MYO10: variants seen among roughly 807,000 people sequenced by gnomAD.
The protein encoded by MYO10 is unconventional myosin-X.
Under a neutral mutation model 257.3 loss-of-function variants are expected in MYO10, and 133 were observed. That is an observed-to-expected ratio of 0.52 (90% CI 0.45 to 0.60). MYO10 has a LOEUF of 0.60. MYO10 is among the 20% of genes least tolerant of loss of function. MYO10 has a pLI of 0.00. For missense variants in MYO10, 2,399 were observed against 2,635.7 expected, an observed-to-expected ratio of 0.91 and a Z score of 1.97; for synonymous variants, 1,104 against 1,028.6, an observed-to-expected ratio of 1.07 and a Z score of -1.40.
chr5:16,857,715 T>C (rs1317990669), intron 2 of MYO10, among the ~76,000 whole-genome samples: 1 of 152,230 alleles, frequency 6.6e-6, no homozygotes, highest in African/African-American at 2.4e-5. Flanking sequence ...CGGGCTACTT[T>C]AACCTCTTGA....
chr5:16,843,004 C>A (rs1365729572), intron 2 of MYO10, among the ~76,000 whole-genome samples: 1 of 151,816 alleles, frequency 6.6e-6, no homozygotes. Context: ...CACCCGTTGG[C>A]TCAATCATGA....
In MYO10 at chr5:16,701,755, T is replaced by TTTC; in HGVS notation, c.2637_2639dup (p.Lys880dup). ...CTTCCACCTGCTTATTTTCCTTCTGTTTCTCCAGTTCACGGGTCAGTTCAG... is the reference window on the plus strand; with the variant it reads ...CTTCCACCTGCTTATTTTCCTTCTGTTTCTTCTCCAGTTCACGGGTCAGTTCAG... On this transcript the variant is annotated inframe_insertion, in exon 25 of 41. Coordinates refer to ENST00000513610, the MANE Select transcript of MYO10 (RefSeq NM_012334.3). The surrounding 1 kb of genome is among the most constrained non-coding windows in gnomAD (Gnocchi z 8.1). 4 of 1,614,018 alleles carry TTTC rather than the reference T, an allele frequency of 2.5e-6. No individual in the cohort carries two copies. Among genetic ancestry groups the TTTC allele is most frequent in the Non-Finnish European group, 2.5e-6 (3 of 1,179,896 alleles).
intron 2 of MYO10, among the ~76,000 whole-genome samples, chr5:16,839,323 T>C (rs1743401523): frequency 6.6e-6 from 1 of 152,118 alleles, no homozygotes; most frequent in African/African-American, 2.4e-5. Context: ...AACCCTCATG[T>C]ATGACATTGA....
At chr5:16,747,787 C>T (rs1009378826) in intron 19 of MYO10, among the ~76,000 whole-genome samples, 1 of 151,552 alleles carries the variant, frequency 6.6e-6, no homozygotes, top group African/African-American at 2.4e-5. Context: ...TGCGGGGTGG[C>T]AGGTGCCTGT....
At chr5:16,799,888 CA>C (rs1239246661) in intron 3 of MYO10, among the ~76,000 whole-genome samples, 1 of 152,176 alleles carries the variant, frequency 6.6e-6, no homozygotes, top group African/African-American at 2.4e-5. Context: ...ACGCAGCTCA[CA>C]AAAGGCATCG....
chr5:16,858,565 C>A (rs1744028407), intron 2 of MYO10, among the ~76,000 whole-genome samples: 1 of 152,012 alleles, frequency 6.6e-6, no homozygotes, highest in Non-Finnish European at 1.5e-5. Context: ...CCGAGGTAAC[C>A]ATTTAGTCTG....
intron 9 of MYO10, among the ~76,000 whole-genome samples, chr5:16,774,601 T>G (rs906373715): frequency 2.0e-5 from 3 of 151,976 alleles, no homozygotes; most frequent in Admixed American, 2.0e-4. Context: ...TTGTGTATTT[T>G]TAGTAGAGAC....
intron 39 of MYO10, 32 bp from the exon 40 acceptor site, chr5:16,668,500 T>A (rs1471523634): frequency 6.5e-7 from 1 of 1,547,706 alleles, no homozygotes; most frequent in African/African-American, 1.4e-5. Flanking sequence ...AAGAGTTAAG[T>A]CATGAAGTGG....
At chr5:16,671,368 A>G in intron 38 of MYO10, 54 bp downstream of exon 38, 1 of 1,598,846 alleles carries the variant, frequency 6.3e-7, no homozygotes, top group South Asian at 1.1e-5. Context: ...AAGTATTAAC[A>G]GGTTTCACCC....
intron 3 of MYO10, among the ~76,000 whole-genome samples, chr5:16,812,661 C>T (rs990674509): frequency 6.6e-5 from 10 of 152,100 alleles, no homozygotes; most frequent in African/African-American, 1.9e-4. Flanking sequence ...GAGCCAAGTT[C>T]GAGGCAGGAA....
At chr5:16,797,872 G>A (rs927410239) in intron 3 of MYO10, among the ~76,000 whole-genome samples, 3 of 152,210 alleles carry the variant, frequency 2.0e-5, no homozygotes, top group Non-Finnish European at 4.4e-5. Flanking sequence ...TGGTTTGAAT[G>A]TTTGTCCCCT....
chr5:16,765,209 G>A (rs1740828686), intron 11 of MYO10, among the ~76,000 whole-genome samples: 2 of 152,178 alleles, frequency 1.3e-5, no homozygotes, highest in Non-Finnish European at 2.9e-5. Flanking sequence ...TGACATCTGA[G>A]TCAGTGGGCT....
At chr5:16,680,446 G>A (rs1274874253) in intron 32 of MYO10, among the ~76,000 whole-genome samples, 3 of 152,078 alleles carry the variant, frequency 2.0e-5, no homozygotes, top group African/African-American at 7.2e-5. Context: ...AACTCTCTCT[G>A]ATTTCTGACT....
chr5:16,721,703 C>T (rs1302292099), intron 19 of MYO10, among the ~76,000 whole-genome samples: 1 of 152,174 alleles, frequency 6.6e-6, no homozygotes, highest in Non-Finnish European at 1.5e-5. Flanking sequence ...AGACTAAGTA[C>T]AGCTGTCACC....
chr5:16,749,015 T>C (rs1173520537), intron 19 of MYO10, among the ~76,000 whole-genome samples: 1 of 152,060 alleles, frequency 6.6e-6, no homozygotes, highest in East Asian at 1.9e-4. Context: ...GGCTCCAAGA[T>C]CGACAGCCCA....
chr5:16,935,737 C>T, intron 1 of MYO10, 51 bp downstream of exon 1: 1 of 1,609,874 alleles, frequency 6.2e-7, no homozygotes, highest in Non-Finnish European at 8.5e-7. Flanking sequence ...GGTGGGCAGA[C>T]GCCTCTCTCC....
intron 9 of MYO10, among the ~76,000 whole-genome samples, chr5:16,774,434 T>C (rs529328221): frequency 2.0e-5 from 3 of 152,304 alleles, no homozygotes; most frequent in Admixed American, 2.0e-4. Flanking sequence ...TTTAATTTAT[T>C]TTTTTGAGAC....
chr5:16,781,904 T>C, intron 5 of MYO10, 75 bp from the exon 6 acceptor site: 1 of 1,520,306 alleles, frequency 6.6e-7, no homozygotes, highest in Non-Finnish European at 8.9e-7. Context: ...TTCTCACAAA[T>C]GTCAAAATAT....
intron 19 of MYO10, among the ~76,000 whole-genome samples, chr5:16,741,471 A>G (rs1294811410): frequency 1.3e-5 from 2 of 152,238 alleles, no homozygotes; most frequent in Admixed American, 6.5e-5. Context: ...ACTTTGGAAA[A>G]AATTCAAACA....
Sources: gnomAD v4.1 joint callset for allele counts (sites outside exome capture counted in the v4.1 genomes callset) on GRCh38, gnomAD v4.1.1 for gene constraint, Gnocchi (gnomAD v3.1) non-coding constraint, MANE v1.5 for transcripts, NCBI Gene and HGNC (gene_info 2026-07-23, HGNC 2026-07-21) for gene names.